PLCG2: variants seen among roughly 807,000 people sequenced by gnomAD.
PLCG2 encodes phospholipase C gamma 2, also known as 1-phosphatidylinositol 4,5-bisphosphate phosphodiesterase gamma-2.
Under a neutral mutation model 175.6 loss-of-function variants are expected in PLCG2, and 69 were observed. The ratio of observed to expected loss-of-function variants is 0.39; its 90% CI spans 0.32 to 0.48. The LOEUF is 0.48. Among genes scored for constraint, PLCG2 ranks in the 20% least tolerant of loss-of-function variants. The pLI is 0.91. For missense variants in PLCG2, 1,798 were observed against 1,650.9 expected (o/e 1.09, Z -1.54); for synonymous variants, 827 against 624.0 (o/e 1.33, Z -4.85).
At chr16:81,842,183 C>T (rs989110802) in intron 2 of PLCG2, among the ~76,000 whole-genome samples, 2 of 152,222 alleles carry the variant, frequency 1.3e-5, no homozygotes, top group African/African-American at 4.8e-5. Context: ...TACTCCAGAA[C>T]TCCCTACAAA....
At chr16:81,861,933 T>A (rs1418461837) in intron 5 of PLCG2, among the ~76,000 whole-genome samples, 1 of 152,236 alleles carries the variant, frequency 6.6e-6, no homozygotes, top group Non-Finnish European at 1.5e-5. Context: ...TTTCTGTTTC[T>A]GGACTGAGTT....
intron 14 of PLCG2, among the ~76,000 whole-genome samples, chr16:81,901,014 A>G (rs1230687009): frequency 6.6e-6 from 1 of 152,238 alleles, no homozygotes; most frequent in Non-Finnish European, 1.5e-5. Flanking sequence ...TCATCTGGCT[A>G]GCTTGCTGGG....
intron 2 of PLCG2, among the ~76,000 whole-genome samples, chr16:81,787,855 G>C (rs200356569): frequency 6.6e-6 from 1 of 152,006 alleles, no homozygotes; most frequent in Admixed American, 6.6e-5. Context: ...TGGCTTCTTT[G>C]ACTCAGCATT....
intron 19 of PLCG2, among the ~76,000 whole-genome samples, chr16:81,918,073 G>GACTT (rs1389563899): frequency 6.6e-6 from 1 of 152,098 alleles, no homozygotes; most frequent in Non-Finnish European, 1.5e-5. Context: ...TGAGCTGTTT[G>GACTT]ACTTCCTTAT....
intron 7 of PLCG2, among the ~76,000 whole-genome samples, chr16:81,880,291 G>A (rs562186212): frequency 2.0e-5 from 3 of 152,318 alleles, no homozygotes; most frequent in East Asian, 3.9e-4. Flanking sequence ...CCCCAGTGGA[G>A]GTGCCTATCT....
rs781016932 is a variant in PLCG2, at chr16:81,883,390, C to T, written c.765+49C>T. On this transcript the variant is annotated intron_variant, in intron 9 of 32. Coordinates refer to ENST00000564138, the MANE Select transcript of PLCG2 (RefSeq NM_002661.5). ...GCCTGAGGGAGCTGGCGGGATGCTG[C>T]TGGGGACTAGTCTCACCCTTCTGCC... is the stretch of plus-strand genomic sequence containing the variant. 4 of 1,484,696 alleles carry T rather than the reference C, an allele frequency of 2.7e-6. No homozygotes were observed. In the South Asian group the frequency reaches 3.4e-5, roughly 13 times the overall value. The allele number at this position is 1,484,696 out of a possible 1,614,324, so 92.0% of individuals were successfully genotyped here.
chr16:81,911,710 A>G (rs1909631500), intron 18 of PLCG2, among the ~76,000 whole-genome samples: 1 of 151,688 alleles, frequency 6.6e-6, no homozygotes, highest in African/African-American at 2.4e-5. Context: ...TCCCAGGTTC[A>G]AGAGATTCTT....
chr16:81,843,105 G>A (rs1375463785), intron 2 of PLCG2, among the ~76,000 whole-genome samples: 1 of 152,114 alleles, frequency 6.6e-6, no homozygotes, highest in Non-Finnish European at 1.5e-5. Context: ...CTTCAAGCAG[G>A]AAACTCGGCC....
In PLCG2 at chr16:81,959,975, A is replaced by T. The variant is rs1037150623; in HGVS notation, c.*1977A>T. The T allele has an allele frequency of 4.8e-6, 1 of 207,152 alleles. No individual in the cohort carries two copies. The highest frequency in any genetic ancestry group is 9.8e-6 in the Non-Finnish European group (1 of 101,530). 12.8% of individuals were successfully genotyped at this position (207,152 alleles called of 1,614,324 possible). A position where few individuals can be genotyped will look rare whatever the true frequency, so the allele number is the denominator to read the frequency against. On this transcript the variant is annotated 3_prime_UTR_variant, in exon 33 of 33. Transcript: ENST00000564138. ...TTGCTACCATATCAAAGAACCTGAC[A>T]TATGGCGGCATAGGAAGCAGAAGCT...
intron 2 of PLCG2, among the ~76,000 whole-genome samples, chr16:81,822,624 G>A (rs904582530): frequency 2.0e-5 from 3 of 152,030 alleles, no homozygotes; most frequent in Non-Finnish European, 4.4e-5. Flanking sequence ...GGGCATGGTG[G>A]CGTGTACCTG....
At chr16:81,849,795 A>C (rs796230648) in intron 2 of PLCG2, among the ~76,000 whole-genome samples, 3,928 of 147,536 alleles carry the variant, frequency 0.027, 77 homozygotes, top group South Asian at 0.041. Flanking sequence ...AAAAAAAAAA[A>C]AACCAAAAAA....
Position 81,807,163 on chromosome 16 carries a change from G to A in PLCG2, c.193+20981G>A, listed in dbSNP as rs544404030. ...ACAGCAGAGGCTTATCTTGTTGAACGTGGTGATTCATGTGGTGATTTCACA... is the reference window on the plus strand; with the variant it reads ...ACAGCAGAGGCTTATCTTGTTGAACATGGTGATTCATGTGGTGATTTCACA... On this transcript the variant is annotated intron_variant, in intron 2 of 32. Transcript: ENST00000564138. Among the ~76,000 whole-genome samples, 7 of 152,236 alleles carry A rather than the reference G, an allele frequency of 4.6e-5. No individual in the cohort carries two copies. The South Asian group carries it at 1.2e-3, about 27-fold the overall frequency.
At chr16:81,842,553 T>G (rs966185799) in intron 2 of PLCG2, among the ~76,000 whole-genome samples, 5 of 152,140 alleles carry the variant, frequency 3.3e-5, no homozygotes, top group Admixed American at 3.3e-4. Flanking sequence ...TCTGTCTGTT[T>G]GCTCGCTTGA....
chr16:81,829,672 G>T (rs1198916889), intron 2 of PLCG2, among the ~76,000 whole-genome samples: 1 of 152,176 alleles, frequency 6.6e-6, no homozygotes, highest in Non-Finnish European at 1.5e-5. Context: ...ACACCACATT[G>T]CACCTAGTTT....
intron 31 of PLCG2, among the ~76,000 whole-genome samples, chr16:81,948,156 A>G (rs186793140): frequency 2.0e-5 from 3 of 152,316 alleles, no homozygotes; most frequent in East Asian, 3.9e-4. Flanking sequence ...ATATTTAGCA[A>G]TGGAATAATA....
chr16:81,857,037 T>G (rs115288714), intron 3 of PLCG2, among the ~76,000 whole-genome samples: 200 of 152,302 alleles, frequency 1.3e-3, no homozygotes, highest in African/African-American at 4.6e-3. Flanking sequence ...ACCAGTCTAT[T>G]TTAGACTTCT....
At chr16:81,804,171 A>G (rs1169307804) in intron 2 of PLCG2, among the ~76,000 whole-genome samples, 9 of 152,208 alleles carry the variant, frequency 5.9e-5, no homozygotes, top group African/African-American at 1.4e-4. Context: ...CCCACCAGCA[A>G]TGTATGAGGG....
At chr16:81,741,744 G>C (rs1407484922) in intron 1 of PLCG2, among the ~76,000 whole-genome samples, 4 of 152,162 alleles carry the variant, frequency 2.6e-5, no homozygotes, top group African/African-American at 4.8e-5. Context: ...CCGGGAGGCA[G>C]AGGTTGCAGT....
chr16:81,916,725 C>T (rs1291250095), intron 19 of PLCG2, among the ~76,000 whole-genome samples: 1 of 152,098 alleles, frequency 6.6e-6, no homozygotes, highest in Non-Finnish European at 1.5e-5. Flanking sequence ...GCAACCTGCA[C>T]CTCCTGGGTT....
Sources: allele counts gnomAD v4.1 joint callset (sites outside exome capture counted in the v4.1 genomes callset), GRCh38; gene constraint gnomAD v4.1.1; transcripts MANE v1.5; gene names NCBI Gene and HGNC (gene_info 2026-07-23, HGNC 2026-07-21).